DNAH11: variants seen among roughly 807,000 people sequenced by gnomAD.
The protein encoded by DNAH11 is axonemal beta dynein heavy chain 11.
DNAH11 carries 442 observed loss-of-function variants against 526.0 expected under a neutral mutation model. The observed-to-expected ratio is 0.84, with a 90% CI of 0.78 to 0.91. The LOEUF is 0.91. DNAH11 is among the 40% of genes least tolerant of loss of function. The pLI, the probability that DNAH11 is intolerant of heterozygous loss-of-function variation, is 0.00. For synonymous variants in DNAH11, 2,461 were observed against 1,935.9 expected, an observed-to-expected ratio of 1.27 and a Z score of -7.12; for missense variants, 6,989 against 5,448.7, an observed-to-expected ratio of 1.28 and a Z score of -8.90.
At chr7:21,776,237 T>C (rs914252029) in intron 56 of DNAH11, among the ~76,000 whole-genome samples, 4 of 152,222 alleles carry the variant, frequency 2.6e-5, no homozygotes, top group African/African-American at 4.8e-5. Flanking sequence ...GACATCTTGA[T>C]TGACCATGAA....
intron 65 of DNAH11, among the ~76,000 whole-genome samples, chr7:21,841,094 G>C (rs2128015625): frequency 6.6e-6 from 1 of 152,252 alleles, no homozygotes; most frequent in South Asian, 2.1e-4. Context: ...TGAGGCACAA[G>C]AATGACTTGA....
intron 65 of DNAH11, among the ~76,000 whole-genome samples, chr7:21,832,066 G>A (rs568976328): frequency 8.6e-4 from 131 of 151,778 alleles, no homozygotes; most frequent in Admixed American, 2.6e-3. Context: ...CTGCAGCCTG[G>A]GTGACAGAGT....
chr7:21,883,079 C>A (rs1783982795), intron 75 of DNAH11, among the ~76,000 whole-genome samples: 1 of 152,192 alleles, frequency 6.6e-6, no homozygotes, highest in Non-Finnish European at 1.5e-5. Flanking sequence ...TCTTATTTTT[C>A]ATTCACCTCA....
intron 79 of DNAH11, among the ~76,000 whole-genome samples, chr7:21,896,505 C>T (rs952682432): frequency 6.6e-6 from 1 of 152,120 alleles, no homozygotes; most frequent in Non-Finnish European, 1.5e-5. Context: ...TCTCTTTACC[C>T]TTGATGTTCA....
intron 28 of DNAH11, among the ~76,000 whole-genome samples, chr7:21,653,663 T>C (rs928944692): frequency 3.3e-5 from 5 of 152,286 alleles, no homozygotes; most frequent in African/African-American, 4.8e-5. Context: ...TATATTAATA[T>C]CCTCTGGGTA....
chr7:21,619,349 C>A, intron 24 of DNAH11, 127 bp downstream of exon 24: 1 of 1,050,434 alleles, frequency 9.5e-7, no homozygotes, highest in Non-Finnish European at 1.3e-6. Flanking sequence ...TTGTTCCCTG[C>A]TGTTCATTAG....
At chr7:21,795,667 C>A (rs146269279) in intron 61 of DNAH11, among the ~76,000 whole-genome samples, 1 of 152,196 alleles carries the variant, frequency 6.6e-6, no homozygotes, top group Non-Finnish European at 1.5e-5. Flanking sequence ...AATCAACGAA[C>A]GTTTTGTAAC....
intron 60 of DNAH11, among the ~76,000 whole-genome samples, chr7:21,787,999 C>A (rs1227020857): frequency 6.6e-6 from 1 of 152,136 alleles, no homozygotes; most frequent in Non-Finnish European, 1.5e-5. Flanking sequence ...AGGAAATAAC[C>A]ATTTCTTTGC....
intron 23 of DNAH11, among the ~76,000 whole-genome samples, chr7:21,618,007 G>A (rs986769300): frequency 3.9e-5 from 6 of 152,170 alleles, no homozygotes; most frequent in Non-Finnish European, 8.8e-5. Context: ...GCGGAGGCTG[G>A]CTTCCATCTC....
intron 28 of DNAH11, among the ~76,000 whole-genome samples, chr7:21,646,496 C>T (rs1365671939): frequency 6.6e-6 from 1 of 152,076 alleles, no homozygotes; most frequent in African/African-American, 2.4e-5. Flanking sequence ...TCCAAAGTGA[C>T]TATACTTTGC....
chr7:21,761,952 T>C (rs1047907040), intron 54 of DNAH11, among the ~76,000 whole-genome samples: 6 of 152,188 alleles, frequency 3.9e-5, no homozygotes, highest in African/African-American at 1.4e-4. Flanking sequence ...TCCATATGGC[T>C]GGAGAGGCCT....
intron 6 of DNAH11, among the ~76,000 whole-genome samples, chr7:21,565,924 A>G (rs1162038361): frequency 2.0e-5 from 3 of 152,090 alleles, no homozygotes; most frequent in Non-Finnish European, 2.9e-5. Flanking sequence ...GTTTTGTTCA[A>G]TATCTGTTAC....
At chr7:21,733,008 A>G (rs1223144516) in intron 45 of DNAH11, among the ~76,000 whole-genome samples, 1 of 151,788 alleles carries the variant, frequency 6.6e-6, no homozygotes, top group African/African-American at 2.4e-5. Context: ...ATCCTGCAGG[A>G]GCCAGGCAGA....
chr7:21,794,827 T>G (rs1212194010), intron 61 of DNAH11, among the ~76,000 whole-genome samples: 2 of 152,192 alleles, frequency 1.3e-5, no homozygotes, highest in African/African-American at 4.8e-5. Context: ...GAATGTAAGA[T>G]GGCTGAGTGG....
At chr7:21,732,961 A>G (rs553709139) in intron 45 of DNAH11, among the ~76,000 whole-genome samples, 2 of 152,276 alleles carry the variant, frequency 1.3e-5, no homozygotes, top group African/African-American at 4.8e-5. Context: ...AGGCCTGGGC[A>G]GTGGGGCTGC....
rs1216123103 is a variant in DNAH11 at position 21,545,164 on chromosome 7, T to G, written c.495+15T>G. On this transcript the variant is annotated intron_variant, in intron 2 of 81. Transcript: ENST00000409508. ...TCCTTGATGAGGTACTGGTCTGTCT[T>G]TAATATTTAAAGCTTTCACTTATCT... 1 of 1,596,134 alleles carries G rather than the reference T, an allele frequency of 6.3e-7. No individual in the cohort carries two copies. Among genetic ancestry groups the G allele is most frequent in the Non-Finnish European group, 8.5e-7 (1 of 1,171,862 alleles).
At chr7:21,697,280 A>C (rs1188086335) in intron 35 of DNAH11, among the ~76,000 whole-genome samples, 1 of 151,946 alleles carries the variant, frequency 6.6e-6, no homozygotes, top group Non-Finnish European at 1.5e-5. Flanking sequence ...ACTTTTTGGA[A>C]GTCCCTCTCC....
At chr7:21,780,969 G>C (rs573280316) in intron 57 of DNAH11, among the ~76,000 whole-genome samples, 6 of 152,320 alleles carry the variant, frequency 3.9e-5, no homozygotes, top group South Asian at 2.1e-4. Context: ...AAATCCAGTA[G>C]AGAGACATGA....
intron 42 of DNAH11, among the ~76,000 whole-genome samples, chr7:21,712,110 C>T (rs895178158): frequency 1.2e-4 from 18 of 152,082 alleles, no homozygotes; most frequent in East Asian, 1.9e-4. Context: ...CTCTAGGTAC[C>T]GCATATAAAT....
Sources: allele counts gnomAD v4.1 joint callset (sites outside exome capture counted in the v4.1 genomes callset), GRCh38; gene constraint gnomAD v4.1.1; transcripts MANE v1.5; gene names NCBI Gene and HGNC (gene_info 2026-07-23, HGNC 2026-07-21).